Variants in NLRP8 observed in about 807,000 individuals in gnomAD.
NLRP8 encodes the protein NACHT, LRR and PYD domains-containing protein 8.
In NLRP8, 86 loss-of-function variants were observed where a neutral mutation model predicts 88.7. That is an observed-to-expected ratio of 0.97 (90% CI 0.81 to 1.16). The LOEUF (loss-of-function observed/expected upper bound fraction) is 1.16, where lower values mean the gene tolerates loss of function less well. NLRP8 is among the 50% of genes most tolerant of loss of function. The probability of loss-of-function intolerance (pLI) is 0.00; values close to 1 mark genes in which losing one functional copy is unlikely to be tolerated. For synonymous variants in NLRP8, 504 were observed against 494.6 expected (o/e 1.02, Z -0.25); for missense variants, 1,342 against 1,286.5 (o/e 1.04, Z -0.66).
rs781205586 is a variant in NLRP8, at chr19:55,954,934, A to C, written c.876A>C (p.Thr292=). The stretch of plus-strand genomic sequence containing the variant: ...TCTTGGATGGCTTTGAGGAGCTCAC[A>C]TCTACCCTCATTGACAGACTGGAGG... The change falls in exon 3 of 10, where the codon ACA becomes ACC. Residue 292 remains threonine, a synonymous_variant. Coordinates refer to ENST00000291971, the MANE Select transcript of NLRP8 (RefSeq NM_176811.2). 6.2e-7 allele frequency: 1 copy of C among 1,614,172 alleles called. No homozygotes were observed. The highest frequency in any genetic ancestry group is 8.5e-7 in the Non-Finnish European group (1 of 1,180,022).
chr19:55,971,954 T>A (rs1980092194), intron 6 of NLRP8, among the ~76,000 whole-genome samples: 1 of 152,140 alleles, frequency 6.6e-6, no homozygotes, highest in South Asian at 2.1e-4. Context: ...CATCTTAGTT[T>A]ATCTGATTTG....
intron 6 of NLRP8, among the ~76,000 whole-genome samples, chr19:55,970,901 C>T (rs760198991): frequency 9.9e-5 from 15 of 152,102 alleles, no homozygotes; most frequent in Non-Finnish European, 1.5e-4. Context: ...CATAAAAGTA[C>T]GGATTTATAC....
chr19:55,968,784 A>G lies in NLRP8; in HGVS notation c.2382-1760A>G, dbSNP rs1240878285. Among the ~76,000 whole-genome samples, 4 of 152,360 alleles carry G rather than the reference A, an allele frequency of 2.6e-5. No homozygotes were observed. The East Asian group carries it at 7.7e-4, about 29-fold the overall frequency. ...ATAAAATAATGTTTTATTAGAAAAC[A>G]TTCTTGGTTGATATGCTGTAGAAAA... On this transcript the variant is annotated intron_variant, in intron 5 of 9. Transcript: ENST00000291971.
chr19:55,964,117 A>T (rs1032691173), intron 4 of NLRP8, among the ~76,000 whole-genome samples: 15 of 152,168 alleles, frequency 9.9e-5, no homozygotes, highest in African/African-American at 3.6e-4. Flanking sequence ...CACCATGTGA[A>T]CCACTGGCCC....
chr19:55,954,988 G>A lies in NLRP8; in HGVS notation c.930G>A (p.Leu310=), dbSNP rs762099494. The A allele has an allele frequency of 2.5e-6, 4 of 1,614,128 alleles. No homozygotes were observed. The Admixed American group carries it at 6.7e-5, about 27-fold the overall frequency. Reference sequence around the variant, plus strand: ...TGAGTGAAGACTGGAGGCAGAAATTGCCTGGGTCTGTCCTACTGAGCAGTT... The same window carrying A: ...TGAGTGAAGACTGGAGGCAGAAATTACCTGGGTCTGTCCTACTGAGCAGTT... The change falls in exon 3 of 10, where the codon TTG becomes TTA. Residue 310 remains leucine (L), a synonymous_variant. Coordinates refer to ENST00000291971, the MANE Select transcript of NLRP8 (RefSeq NM_176811.2).
At chr19:55,978,527 A>G (rs306476) in intron 8 of NLRP8, among the ~76,000 whole-genome samples, 55,493 of 151,922 alleles carry the variant, frequency 0.37, 10,698 homozygotes, top group Non-Finnish European at 0.43. Context: ...AGCATGCTGT[A>G]TACTGGCTCA....
chr19:55,966,112 C>T (rs768295608), intron 4 of NLRP8, 101 bp from the exon 5 acceptor site: 2 of 1,027,368 alleles, frequency 1.9e-6, no homozygotes, highest in East Asian at 2.4e-5. Context: ...TGGGACTGCA[C>T]CTGTCCCACG....
chr19:55,948,105 C>T lies in NLRP8; in HGVS notation c.203C>T (p.Thr68Ile). The T allele has an allele frequency of 6.2e-7, 1 of 1,614,138 alleles. No individual in the cohort carries two copies. Among genetic ancestry groups the T allele is most frequent in the Admixed American group, 1.7e-5 (1 of 60,010 alleles). ...TTACTGACTGAGCTCAGTACTGGCACCATGCCCATCACCTGGGACCAGGTC... is the reference window on the plus strand; with the variant it reads ...TTACTGACTGAGCTCAGTACTGGCATCATGCCCATCACCTGGGACCAGGTC... The change falls in exon 1 of 10, where the codon ACC becomes ATC. Residue 68 changes from threonine to isoleucine, a missense_variant. Physicochemically the swap from Thr to Ile is moderately conservative, Grantham distance 89. Coordinates refer to ENST00000291971, the MANE Select transcript of NLRP8 (RefSeq NM_176811.2).
At chr19:55,977,874 T>G (rs983599996) in intron 8 of NLRP8, among the ~76,000 whole-genome samples, 1 of 152,178 alleles carries the variant, frequency 6.6e-6, no homozygotes, top group African/African-American at 2.4e-5. Flanking sequence ...TTTTTGTTGA[T>G]GATTTGCTTC....
intron 3 of NLRP8, among the ~76,000 whole-genome samples, chr19:55,961,485 C>T (rs1979607513): frequency 6.6e-6 from 1 of 152,090 alleles, no homozygotes; most frequent in Non-Finnish European, 1.5e-5. Flanking sequence ...CTCTGCCCCC[C>T]ACATAAATCT....
At chr19:55,980,514 G>A (rs1431049820) in intron 9 of NLRP8, among the ~76,000 whole-genome samples, 1 of 152,224 alleles carries the variant, frequency 6.6e-6, no homozygotes, top group African/African-American at 2.4e-5. Flanking sequence ...CGAGGTCTCA[G>A]TTGAGCCACT....
intron 3 of NLRP8, among the ~76,000 whole-genome samples, chr19:55,961,761 A>G (rs1168815984): frequency 6.6e-6 from 1 of 152,178 alleles, no homozygotes; most frequent in African/African-American, 2.4e-5. Flanking sequence ...TCAGACCACT[A>G]TACTCCAGCC....
rs764893081 is a variant in NLRP8, at chr19:55,954,789, A to G, written c.731A>G (p.His244Arg). The change falls in exon 3 of 10, where the codon CAT becomes CGT. Residue 244 changes from histidine to arginine, a missense_variant. Physicochemically the swap from His to Arg is conservative, Grantham distance 29. Coordinates refer to ENST00000291971, the MANE Select transcript of NLRP8 (RefSeq NM_176811.2). ...AAGCGCTGGTGTGCTTTCTACTTCC[A>G]TTGCCAAGAGGTGAACCAGACGACA... 6.2e-7 allele frequency: 1 copy of G among 1,614,206 alleles called. No homozygotes were observed. The highest frequency in any genetic ancestry group is 2.2e-5 in the East Asian group (1 of 44,892).
intron 3 of NLRP8, among the ~76,000 whole-genome samples, chr19:55,958,163 A>T (rs1046921771): frequency 1.3e-5 from 2 of 152,130 alleles, no homozygotes; most frequent in African/African-American, 2.4e-5. Flanking sequence ...CTGGCGAGAG[A>T]GGGGACATTG....
rs1445669424 is a variant in NLRP8, at chr19:55,976,657, G to A, written c.2876+354G>A. Among the ~76,000 whole-genome samples the A allele has an allele frequency of 2.5e-5, 3 of 119,588 alleles. No individual in the cohort carries two copies. The Admixed American group carries it at 2.6e-4, about 11-fold the overall frequency. The allele number at this position is 119,588 out of a possible 152,430, so 78.5% of individuals were successfully genotyped here. On this transcript the variant is annotated intron_variant, in intron 8 of 9. Transcript: ENST00000291971. ...TTTTAGACTGATATCTGAGATGACTGGTCTGAAATTGAATTTTACACTTAG... is the reference window on the plus strand; with the variant it reads ...TTTTAGACTGATATCTGAGATGACTAGTCTGAAATTGAATTTTACACTTAG...
chr19:55,953,925 C>T (rs188631397), intron 2 of NLRP8, among the ~76,000 whole-genome samples: 2 of 151,306 alleles, frequency 1.3e-5, no homozygotes, highest in Admixed American at 6.6e-5. Flanking sequence ...CCTCCACCTC[C>T]TGAGTAGCTG....
chr19:55,948,263 A>G lies in NLRP8; in HGVS notation c.361A>G (p.Ile121Val), dbSNP rs1395500957. The change falls in exon 1 of 10, where the codon ATA (isoleucine) becomes GTA (valine). Residue 121 changes from isoleucine (I) to valine (V), a missense_variant. Transcript: ENST00000291971. ...AATGTGTGTTGTAGTCCGCAGAGAG[A>G]TAAATGGTGAGTGTTGATCTGGTGG... is the stretch of plus-strand genomic sequence containing the variant. The G allele has an allele frequency of 6.2e-7, 1 of 1,611,204 alleles. No homozygotes were observed. The highest frequency in any genetic ancestry group is 1.7e-5 in the Admixed American group (1 of 59,940).
Position 55,956,140 on chromosome 19 carries a change from C to G in NLRP8, c.2042+40C>G, listed in dbSNP as rs754970152. ...CCCTCCTTGGGTAGCCCGTCCTACC[C>G]GGAGGCCTTGACTATGGTGTCCCGG... On this transcript the variant is annotated intron_variant, in intron 3 of 9. Transcript: ENST00000291971. The G allele has an allele frequency of 5.1e-6, 8 of 1,567,812 alleles. No individual in the cohort carries two copies. In the East Asian group the frequency reaches 1.8e-4, roughly 35 times the overall value.
chr19:55,972,194 A>C (rs1980104356), intron 6 of NLRP8, among the ~76,000 whole-genome samples: 1 of 149,378 alleles, frequency 6.7e-6, no homozygotes, highest in Admixed American at 6.7e-5. Context: ...GGCTCACTGC[A>C]AGCTCTGCCT....
Sources: allele counts gnomAD v4.1 joint callset (sites outside exome capture counted in the v4.1 genomes callset), GRCh38; gene constraint gnomAD v4.1.1; transcripts MANE v1.5; gene names NCBI Gene and HGNC (gene_info 2026-07-23, HGNC 2026-07-21).